The following ZNF469 variants were observed in gnomAD, a reference collection of about 807,000 sequenced individuals.
ZNF469 encodes zinc finger protein 469.
ZNF469 carries 1 observed loss-of-function variant against 1.0 expected under a neutral mutation model. The observed-to-expected ratio is 1.00, with a 90% CI of 0.35 to 4.73. The LOEUF (loss-of-function observed/expected upper bound fraction) is 4.73, where lower values mean the gene tolerates loss of function less well. Among genes scored for constraint, ZNF469 ranks in the 30% most tolerant of loss-of-function variants. The pLI, the probability that ZNF469 is intolerant of heterozygous loss-of-function variation, is 0.16. For missense variants in ZNF469, 6,100 were observed against 5,356.3 expected, an observed-to-expected ratio of 1.14 and a Z score of -4.33; for synonymous variants, 2,703 against 2,363.4, an observed-to-expected ratio of 1.14 and a Z score of -4.17.
At chr16:88,295,374 G>A in the ZNF469 span, among the ~76,000 whole-genome samples, 7 of 83,408 alleles carry the variant, frequency 8.4e-5, no homozygotes, top group East Asian at 2.3e-3. Context: ...TGGGGAGGAC[G>A]TCATCTCGGG....
At chr16:88,254,364 C>T in the ZNF469 span, among the ~76,000 whole-genome samples, 1 of 152,112 alleles carries the variant, frequency 6.6e-6, no homozygotes, top group African/African-American at 2.4e-5. Flanking sequence ...AACTATTTGT[C>T]CATTCATACA....
the ZNF469 span, among the ~76,000 whole-genome samples, chr16:88,352,808 G>A: frequency 5.9e-5 from 9 of 152,140 alleles, no homozygotes; most frequent in South Asian, 2.1e-4. Context: ...TGGCTGCCCC[G>A]GCCTCACAGC....
chr16:88,396,767 C>T (rs1191584622), intron 1 of ZNF469, among the ~76,000 whole-genome samples: 1 of 149,136 alleles, frequency 6.7e-6, no homozygotes, highest in South Asian at 2.1e-4. Context: ...GGAGGAGACC[C>T]TCGTGAAGGG....
chr16:88,146,779 G>T, the ZNF469 span, among the ~76,000 whole-genome samples: 1 of 152,082 alleles, frequency 6.6e-6, no homozygotes, highest in Non-Finnish European at 1.5e-5. Flanking sequence ...TGAAGGGCCT[G>T]CGGGAGGGAC....
the ZNF469 span, among the ~76,000 whole-genome samples, chr16:88,188,999 G>A: frequency 6.6e-6 from 1 of 152,058 alleles, no homozygotes; most frequent in Non-Finnish European, 1.5e-5. Flanking sequence ...TTTTGGAAAG[G>A]AAGGTCCTTC....
the ZNF469 span, among the ~76,000 whole-genome samples, chr16:88,363,498 C>G: frequency 6.6e-6 from 1 of 152,196 alleles, no homozygotes. Flanking sequence ...TGGGGTCTAC[C>G]CCATGCATGT....
At chr16:88,270,851 G>C in the ZNF469 span, among the ~76,000 whole-genome samples, 1 of 152,204 alleles carries the variant, frequency 6.6e-6, no homozygotes, top group Non-Finnish European at 1.5e-5. Flanking sequence ...CAGTGCCGTT[G>C]GCTTGAGCCT....
chr16:88,365,185 G>C, the ZNF469 span, among the ~76,000 whole-genome samples: 1 of 152,186 alleles, frequency 6.6e-6, no homozygotes, highest in Non-Finnish European at 1.5e-5. Context: ...CAGACCTCCA[G>C]GCATCAATTT....
At chr16:88,292,013 G>GT in the ZNF469 span, among the ~76,000 whole-genome samples, 1 of 152,250 alleles carries the variant, frequency 6.6e-6, no homozygotes, top group Non-Finnish European at 1.5e-5. Flanking sequence ...TGGTAGGACA[G>GT]TTTTGGGGAC....
At chr16:88,179,753 A>T in the ZNF469 span, among the ~76,000 whole-genome samples, 8 of 152,248 alleles carry the variant, frequency 5.3e-5, no homozygotes, top group Admixed American at 2.6e-4. Context: ...TTATATCTTT[A>T]AAAAGATATC....
At chr16:88,233,014 C>A in the ZNF469 span, among the ~76,000 whole-genome samples, 1 of 152,192 alleles carries the variant, frequency 6.6e-6, no homozygotes, top group African/African-American at 2.4e-5. Context: ...GGCTCTTCCT[C>A]CTCCGCCAGA....
At chr16:88,132,161 G>C in the ZNF469 span, among the ~76,000 whole-genome samples, 1 of 152,228 alleles carries the variant, frequency 6.6e-6, no homozygotes, top group Non-Finnish European at 1.5e-5. Flanking sequence ...GGTGCCTCAG[G>C]CTGCACTTGG....
At chr16:88,151,495 G>A in the ZNF469 span, among the ~76,000 whole-genome samples, 2 of 152,314 alleles carry the variant, frequency 1.3e-5, no homozygotes, top group Non-Finnish European at 2.9e-5. This position sits in a 1 kb window ranked among gnomAD's most constrained non-coding sequence, Gnocchi z 5.4. Context: ...ACCTGTAAGC[G>A]ACTGTCCAAA....
the ZNF469 span, among the ~76,000 whole-genome samples, chr16:88,248,771 C>G: frequency 6.6e-6 from 1 of 152,194 alleles, no homozygotes; most frequent in Non-Finnish European, 1.5e-5. Context: ...GGAGGTCCAG[C>G]CACTCATTTC....
chr16:88,219,183 G>A, the ZNF469 span, among the ~76,000 whole-genome samples: 1 of 148,294 alleles, frequency 6.7e-6, no homozygotes, highest in Non-Finnish European at 1.5e-5. Context: ...CGTGAAAATG[G>A]CCATACTGCC....
At chr16:88,232,456 G>A in the ZNF469 span, among the ~76,000 whole-genome samples, 17 of 152,244 alleles carry the variant, frequency 1.1e-4, no homozygotes, top group African/African-American at 4.1e-4. Flanking sequence ...TTTCGGGGGT[G>A]TCCAGGCACT....
At chr16:88,214,973 C>T in the ZNF469 span, among the ~76,000 whole-genome samples, 1 of 152,264 alleles carries the variant, frequency 6.6e-6, no homozygotes, top group Non-Finnish European at 1.5e-5. Flanking sequence ...AAATGTCCCT[C>T]TTTGTCTCTG....
chr16:88,382,149 G>A (rs569212725), upstream of ZNF469, among the ~76,000 whole-genome samples: 10 of 152,366 alleles, frequency 6.6e-5, no homozygotes, highest in South Asian at 1.4e-3. Flanking sequence ...GATGCTGCCC[G>A]TAACGCTGCA....
At chr16:88,107,348 C>G in the ZNF469 span, among the ~76,000 whole-genome samples, 1 of 152,240 alleles carries the variant, frequency 6.6e-6, no homozygotes, top group African/African-American at 2.4e-5. Flanking sequence ...GAAGCAAGAA[C>G]CTTCTTCACA....
Sources: allele counts gnomAD v4.1 joint callset (sites outside exome capture counted in the v4.1 genomes callset), GRCh38; gene constraint gnomAD v4.1.1; non-coding constraint Gnocchi (gnomAD v3.1); transcripts MANE v1.5; gene names NCBI Gene and HGNC (gene_info 2026-07-23, HGNC 2026-07-21).